Variants in CADM2 observed in about 807,000 individuals in gnomAD.
The protein encoded by CADM2 is cell adhesion molecule 2, also known as immunoglobulin superfamily member 4D.
CADM2 carries 12 observed loss-of-function variants against 49.8 expected under a neutral mutation model. That is an observed-to-expected ratio of 0.24 (90% CI 0.15 to 0.39). The LOEUF (loss-of-function observed/expected upper bound fraction) is 0.39, where lower values mean the gene tolerates loss of function less well. Among genes scored for constraint, CADM2 ranks in the 10% least tolerant of loss-of-function variants. The pLI is 1.00. For missense variants in CADM2, 378 were observed against 492.3 expected (o/e 0.77, Z 2.20); for synonymous variants, 214 against 175.4 (o/e 1.22, Z -1.74).
At chr3:86,017,455 G>A (rs1732425723) in intron 8 of CADM2, among the ~76,000 whole-genome samples, 1 of 151,688 alleles carries the variant, frequency 6.6e-6, no homozygotes, top group African/African-American at 2.4e-5. Context: ...TTTTTGGCTG[G>A]TCATGGTGGC....
intron 1 of CADM2, among the ~76,000 whole-genome samples, chr3:85,026,443 T>A (rs780248181): frequency 1.3e-5 from 2 of 152,212 alleles, no homozygotes; most frequent in Admixed American, 6.5e-5. Context: ...TATTGCAATA[T>A]AGCAGAATAA....
At chr3:85,629,176 G>A (rs936847178) in intron 1 of CADM2, among the ~76,000 whole-genome samples, 1 of 151,670 alleles carries the variant, frequency 6.6e-6, no homozygotes, top group South Asian at 2.1e-4. Flanking sequence ...ATATTTTAAA[G>A]TATTTTGGAA....
intron 1 of CADM2, among the ~76,000 whole-genome samples, chr3:85,489,719 AGT>A (rs2039584389): frequency 6.6e-6 from 1 of 151,352 alleles, no homozygotes; most frequent in Non-Finnish European, 1.5e-5. Flanking sequence ...TTTGAATTAA[AGT>A]GTCCTTCTAA....
chr3:85,776,223 A>G (rs1004974045), intron 2 of CADM2, among the ~76,000 whole-genome samples: 1 of 151,842 alleles, frequency 6.6e-6, no homozygotes, highest in African/African-American at 2.4e-5. Context: ...CATTGAGAAA[A>G]ATACATCTTT....
chr3:85,686,601 A>G lies in CADM2; in HGVS notation c.62-39921A>G, dbSNP rs373943149. 9.2e-5 allele frequency among the ~76,000 whole-genome samples: 14 copies of G among 152,350 alleles called. No homozygotes were observed. The East Asian group carries it at 2.3e-3, about 25-fold the overall frequency. ...TTTAGTATCTAAATGACTTCTGTCCAGTTTATATGATCTAATATAATACCA... is the reference window on the plus strand; with the variant it reads ...TTTAGTATCTAAATGACTTCTGTCCGGTTTATATGATCTAATATAATACCA... On this transcript the variant is annotated intron_variant, in intron 1 of 9. Coordinates refer to ENST00000383699, the MANE Select transcript of CADM2 (RefSeq NM_001167675.2).
intron 6 of CADM2, among the ~76,000 whole-genome samples, chr3:85,929,328 T>C (rs1720304611): frequency 6.6e-6 from 1 of 152,072 alleles, no homozygotes; most frequent in South Asian, 2.1e-4. Context: ...ATTTCAATCA[T>C]TTGAAATATG....
intron 1 of CADM2, among the ~76,000 whole-genome samples, chr3:85,379,954 C>T (rs914820898): frequency 6.6e-6 from 1 of 151,974 alleles, no homozygotes; most frequent in Non-Finnish European, 1.5e-5. Context: ...CGCAAGAAAG[C>T]TTTAGCAAAC....
chr3:85,628,334 T>G (rs1186037676), intron 1 of CADM2, among the ~76,000 whole-genome samples: 1 of 151,874 alleles, frequency 6.6e-6, no homozygotes, highest in Non-Finnish European at 1.5e-5. Flanking sequence ...TTCTTTTTAT[T>G]TCTACTTTAC....
intron 1 of CADM2, among the ~76,000 whole-genome samples, chr3:85,561,102 T>C (rs1254988159): frequency 6.6e-6 from 1 of 152,226 alleles, no homozygotes; most frequent in Non-Finnish European, 1.5e-5. Context: ...GAATGACTGC[T>C]AACACACTGA....
chr3:85,627,909 C>G (rs769173099), intron 1 of CADM2, among the ~76,000 whole-genome samples: 1 of 152,014 alleles, frequency 6.6e-6, no homozygotes, highest in Non-Finnish European at 1.5e-5. Context: ...AAACTGATAG[C>G]ATGTTGGTAT....
intron 1 of CADM2, among the ~76,000 whole-genome samples, chr3:85,072,565 T>C (rs1271223966): frequency 1.3e-5 from 2 of 152,080 alleles, no homozygotes. Context: ...TTTCATAGAT[T>C]ATAGTTTCTG....
At chr3:85,750,862 T>G (rs1200327322) in intron 2 of CADM2, among the ~76,000 whole-genome samples, 1 of 152,122 alleles carries the variant, frequency 6.6e-6, no homozygotes, top group Non-Finnish European at 1.5e-5. Flanking sequence ...TTACCGTATG[T>G]TATAATTTGA....
Position 85,923,550 on chromosome 3 carries a change from C to A in CADM2, c.700+11007C>A, listed in dbSNP as rs191639275. 6.6e-3 allele frequency among the ~76,000 whole-genome samples: 756 copies of A among 114,468 alleles called. 3 individuals are homozygous for A. The highest frequency in any genetic ancestry group is 0.011 in the Non-Finnish European group (567 of 52,226). The allele number at this position is 114,468 out of a possible 152,430, so 75.1% of individuals were successfully genotyped here. On this transcript the variant is annotated intron_variant, in intron 6 of 9. Coordinates refer to ENST00000383699, the MANE Select transcript of CADM2 (RefSeq NM_001167675.2). Reference sequence around the variant, plus strand: ...ATATCATGAAAGCAAAAAAAAAAAACAACAAAACAAACAAACACAGTAGCA... The same window carrying A: ...ATATCATGAAAGCAAAAAAAAAAAAAAACAAAACAAACAAACACAGTAGCA...
At chr3:85,007,653 C>G (rs73139660) in intron 1 of CADM2, among the ~76,000 whole-genome samples, 1 of 152,024 alleles carries the variant, frequency 6.6e-6, no homozygotes, top group Non-Finnish European at 1.5e-5. Flanking sequence ...GCTTGAGAAA[C>G]GCAAATGAAG....
intron 1 of CADM2, among the ~76,000 whole-genome samples, chr3:85,146,458 A>C (rs2039744404): frequency 6.6e-6 from 1 of 152,132 alleles, no homozygotes; most frequent in African/African-American, 2.4e-5. Flanking sequence ...CTTTAATGGT[A>C]TCTTAGATCT....
At position 85,730,835 on chromosome 3, in the gene CADM2, G is replaced by A. The variant is rs374098898; in HGVS notation, c.88+4287G>A. ...GGGCTTTATTTTTAAGCAAAATTTG[G>A]CAACTATAGTTCTATGCTATTTCTA... is the stretch of plus-strand genomic sequence containing the variant. On this transcript the variant is annotated intron_variant, in intron 2 of 9. Transcript: ENST00000383699. 3.9e-5 allele frequency among the ~76,000 whole-genome samples: 6 copies of A among 151,938 alleles called. No homozygotes were observed. The East Asian group carries it at 9.6e-4, about 24-fold the overall frequency.
chr3:85,367,562 G>C (rs547926719), intron 1 of CADM2, among the ~76,000 whole-genome samples: 52 of 151,710 alleles, frequency 3.4e-4, no homozygotes, highest in Non-Finnish European at 4.7e-4. Context: ...AAAATAAGAG[G>C]TCATTAAATA....
At chr3:85,186,411 T>TTATTTTTGTAAAGTATTTCA (rs2041065818) in intron 1 of CADM2, among the ~76,000 whole-genome samples, 3 of 152,156 alleles carry the variant, frequency 2.0e-5, no homozygotes, top group Admixed American at 1.3e-4. Flanking sequence ...AGGCTTTTTC[T>TTATTTTTGTAAAGTATTTCA]TATTTTTGTA....
chr3:85,466,887 T>C (rs756584157), intron 1 of CADM2, among the ~76,000 whole-genome samples: 1 of 152,170 alleles, frequency 6.6e-6, no homozygotes, highest in Non-Finnish European at 1.5e-5. Flanking sequence ...GCTTTTACTT[T>C]TCTCTCACAT....
Sources: allele counts gnomAD v4.1 joint callset (sites outside exome capture counted in the v4.1 genomes callset), GRCh38; gene constraint gnomAD v4.1.1; transcripts MANE v1.5; gene names NCBI Gene and HGNC (gene_info 2026-07-23, HGNC 2026-07-21).